Variants in UMAD1 observed in about 807,000 individuals in gnomAD.
The protein encoded by UMAD1 is UBAP1-MVB12-associated (UMA)-domain containing protein 1.
A neutral mutation model predicts 6.1 loss-of-function variants in UMAD1; 8 were observed. That is an observed-to-expected ratio of 1.30 (90% CI 0.76 to 2.35). The LOEUF is 2.35. Among genes scored for constraint, UMAD1 ranks in the 30% most tolerant of loss-of-function variants. UMAD1 has a pLI of 0.00. For missense variants in UMAD1, 130 were observed against 78.4 expected (o/e 1.66, Z -2.49); for synonymous variants, 56 against 31.4 (o/e 1.78, Z -2.61).
At chr7:7,686,673 C>T (rs1182769029) in intron 2 of UMAD1, among the ~76,000 whole-genome samples, 4 of 152,142 alleles carry the variant, frequency 2.6e-5, no homozygotes, top group Admixed American at 6.5e-5. Flanking sequence ...GATAATTTAA[C>T]CTTTTAAATC....
chr7:7,694,449 G>A (rs2115142759), intron 2 of UMAD1, among the ~76,000 whole-genome samples: 1 of 152,100 alleles, frequency 6.6e-6, no homozygotes, highest in Admixed American at 6.5e-5. Flanking sequence ...TCACCCTGTT[G>A]TGCTATCAAA....
intron 3 of UMAD1, among the ~76,000 whole-genome samples, chr7:7,847,999 T>G (rs1563256824): frequency 1.3e-5 from 2 of 152,190 alleles, no homozygotes; most frequent in Non-Finnish European, 2.9e-5. Context: ...CAATATGAAT[T>G]AAGCCAATGA....
intron 2 of UMAD1, among the ~76,000 whole-genome samples, chr7:7,729,713 G>A (rs1031443231): frequency 2.0e-5 from 3 of 152,144 alleles, no homozygotes; most frequent in East Asian, 1.9e-4. Flanking sequence ...GCTAACCTCA[G>A]TCTCCAAAGA....
At chr7:7,721,926 G>A (rs750928812) in intron 2 of UMAD1, among the ~76,000 whole-genome samples, 11 of 152,072 alleles carry the variant, frequency 7.2e-5, no homozygotes, top group East Asian at 1.9e-4. Context: ...TCAGCTGCCC[G>A]CTTGGCTGGG....
chr7:7,652,845 A>T (rs1785254482), intron 1 of UMAD1, among the ~76,000 whole-genome samples: 1 of 152,200 alleles, frequency 6.6e-6, no homozygotes, highest in Admixed American at 6.5e-5. Context: ...AAGTCAAATA[A>T]TTTTTAGTTG....
intron 2 of UMAD1, among the ~76,000 whole-genome samples, chr7:7,767,762 A>G (rs534021035): frequency 5.2e-4 from 79 of 152,348 alleles, no homozygotes; most frequent in African/African-American, 1.8e-3. Context: ...TCTGTATTAC[A>G]TATAAAGAAG....
intron 1 of UMAD1, among the ~76,000 whole-genome samples, chr7:7,651,477 T>C (rs1369977027): frequency 6.6e-6 from 1 of 152,216 alleles, no homozygotes; most frequent in Non-Finnish European, 1.5e-5. Flanking sequence ...CAGGGAACTG[T>C]CCTCTTCTGT....
At chr7:7,666,316 A>G (rs899335332) in intron 1 of UMAD1, among the ~76,000 whole-genome samples, 1 of 151,738 alleles carries the variant, frequency 6.6e-6, no homozygotes, top group Admixed American at 6.6e-5. Context: ...CAATCCTCCC[A>G]TTTCAGCCTG....
chr7:7,702,048 A>G (rs1394494962), intron 2 of UMAD1, among the ~76,000 whole-genome samples: 1 of 152,230 alleles, frequency 6.6e-6, no homozygotes, highest in Non-Finnish European at 1.5e-5. Context: ...GAGAAGGTAT[A>G]CAGAAATATA....
chr7:7,748,325 A>G (rs1781613822), intron 2 of UMAD1, among the ~76,000 whole-genome samples: 1 of 152,130 alleles, frequency 6.6e-6, no homozygotes, highest in African/African-American at 2.4e-5. Context: ...ATTATAATAT[A>G]ATAATTCCTT....
intron 2 of UMAD1, among the ~76,000 whole-genome samples, chr7:7,774,531 A>C (rs781090498): frequency 3.3e-5 from 5 of 152,220 alleles, no homozygotes; most frequent in African/African-American, 4.8e-5. Context: ...TGAGAATGTG[A>C]AAGTGTTGTG....
intron 3 of UMAD1, among the ~76,000 whole-genome samples, chr7:7,834,761 T>C (rs779710178): frequency 5.3e-5 from 8 of 152,162 alleles, no homozygotes; most frequent in Non-Finnish European, 8.8e-5. Context: ...AGTTAGGGCT[T>C]CAACATATGA....
chr7:7,689,947 A>G (rs1780135566), intron 2 of UMAD1, among the ~76,000 whole-genome samples: 1 of 152,204 alleles, frequency 6.6e-6, no homozygotes, highest in Non-Finnish European at 1.5e-5. Context: ...TTTGCTACTT[A>G]TATATAGGTG....
chr7:7,704,058 C>G (rs376308480), intron 2 of UMAD1, among the ~76,000 whole-genome samples: 9 of 152,094 alleles, frequency 5.9e-5, no homozygotes, highest in African/African-American at 1.7e-4. Flanking sequence ...TGATGGAATC[C>G]CAGACATCTT....
chr7:7,878,977 T>C lies in UMAD1; in HGVS notation c.*1439T>C, dbSNP rs1784476954. On this transcript the variant is annotated 3_prime_UTR_variant, in exon 4 of 4. Coordinates refer to ENST00000682710, the MANE Select transcript of UMAD1 (RefSeq NM_001302348.2). The stretch of plus-strand genomic sequence containing the variant: ...TGATGCAAACGTGAACATTTTGTAG[T>C]AGTTTTGTAAAAGAACATCCTTTTC... 1 of 152,186 alleles carries C rather than the reference T, an allele frequency of 6.6e-6. No individual in the cohort carries two copies. 9.4% of individuals were successfully genotyped at this position (152,186 alleles called of 1,614,324 possible). A position where few individuals can be genotyped will look rare whatever the true frequency, so the allele number is the denominator to read the frequency against.
intron 2 of UMAD1, among the ~76,000 whole-genome samples, chr7:7,714,055 AT>A (rs1356836506): frequency 6.6e-6 from 1 of 152,148 alleles, no homozygotes; most frequent in Non-Finnish European, 1.5e-5. Context: ...ATGTTTTAAG[AT>A]TTCCAAAAAT....
At chr7:7,755,505 A>T (rs528428908) in intron 2 of UMAD1, among the ~76,000 whole-genome samples, 8 of 152,184 alleles carry the variant, frequency 5.3e-5, no homozygotes, top group Non-Finnish European at 1.2e-4. Context: ...TCTCTTTCAC[A>T]TCTGGTGGCA....
chr7:7,877,227 TA>T (rs1784435410), intron 3 of UMAD1, 53 bp from the exon 4 acceptor site: 1 of 685,014 alleles, frequency 1.5e-6, no homozygotes, highest in Non-Finnish European at 2.8e-6. Flanking sequence ...CATTTACCGT[TA>T]TTCAACCTCA....
intron 2 of UMAD1, among the ~76,000 whole-genome samples, chr7:7,800,316 G>T (rs1275611254): frequency 2.0e-5 from 3 of 152,134 alleles, no homozygotes; most frequent in Non-Finnish European, 4.4e-5. Context: ...AAAGTAATAG[G>T]GTGGAATATG....
Sources: allele counts gnomAD v4.1 joint callset (sites outside exome capture counted in the v4.1 genomes callset), GRCh38; gene constraint gnomAD v4.1.1; transcripts MANE v1.5; gene names NCBI Gene and HGNC (gene_info 2026-07-23, HGNC 2026-07-21).